EIF4G3: variants seen among roughly 807,000 people sequenced by gnomAD.
EIF4G3 encodes eukaryotic translation initiation factor 4 gamma 3, also known as eIF-4-gamma 3.
Under a neutral mutation model 186.4 loss-of-function variants are expected in EIF4G3, and 34 were observed. The ratio of observed to expected loss-of-function variants is 0.18; its 90% CI spans 0.14 to 0.24. The LOEUF (loss-of-function observed/expected upper bound fraction) is 0.24. EIF4G3 is among the 10% of genes least tolerant of loss of function. The pLI, the probability that EIF4G3 is intolerant of heterozygous loss-of-function variation, is 1.00. For missense variants in EIF4G3, 1,536 were observed against 1,948.5 expected (o/e 0.79, Z 3.99); for synonymous variants, 673 against 679.5 (o/e 0.99, Z 0.15).
chr1:21,141,954 C>G (rs557735181), intron 2 of EIF4G3, among the ~76,000 whole-genome samples: 32 of 152,028 alleles, frequency 2.1e-4, no homozygotes, highest in African/African-American at 7.0e-4. Context: ...AAACAAAATG[C>G]TAATCAGTAC....
intron 34 of EIF4G3, among the ~76,000 whole-genome samples, chr1:20,815,256 G>A (rs1013793357): frequency 1.0e-5 from 1 of 96,420 alleles, no homozygotes; most frequent in African/African-American, 3.7e-5. Flanking sequence ...CGTCTGGGAG[G>A]TGAGGAGCCC....
At chr1:20,934,862 G>A (rs935079690) in intron 14 of EIF4G3, among the ~76,000 whole-genome samples, 1 of 152,032 alleles carries the variant, frequency 6.6e-6, no homozygotes, top group Non-Finnish European at 1.5e-5. Context: ...CTCCTACTGA[G>A]GCCTATGACT....
intron 2 of EIF4G3, among the ~76,000 whole-genome samples, chr1:21,147,291 GTAT>G (rs1447066388): frequency 1.3e-5 from 2 of 151,954 alleles, no homozygotes; most frequent in East Asian, 3.9e-4. Flanking sequence ...TATATAATTT[GTAT>G]TATTTATAAA....
Position 20,813,157 on chromosome 1 carries a change from C to A in EIF4G3, c.4597+1G>T. The A allele has an allele frequency of 6.2e-7, 1 of 1,602,976 alleles. No individual in the cohort carries two copies. The highest frequency in any genetic ancestry group is 8.5e-7 in the Non-Finnish European group (1 of 1,170,182). On this transcript the variant is annotated splice_donor_variant, in intron 35 of 36. Coordinates refer to ENST00000602326, the MANE Select transcript of EIF4G3 (RefSeq NM_001391906.1). LOFTEE classifies it high-confidence loss of function. ...GAGCTGCCTTCAGAAATGTTACTTA[C>A]CTATAATAGCTGCTTTACAAACAGC...
At chr1:20,887,790 T>C (rs971505156) in intron 18 of EIF4G3, among the ~76,000 whole-genome samples, 2 of 152,066 alleles carry the variant, frequency 1.3e-5, no homozygotes, top group African/African-American at 2.4e-5. Flanking sequence ...TATAAGAACA[T>C]AAATTGTAAC....
At position 21,165,894 on chromosome 1, in the gene EIF4G3, C is replaced by A. The variant is rs146619565; in HGVS notation, c.-272+10281G>T. Among the ~76,000 whole-genome samples the A allele has an allele frequency of 2.2e-3, 340 of 151,904 alleles. 1 individual carries two copies. Among genetic ancestry groups the A allele is most frequent in the African/African-American group, 7.8e-3 (323 of 41,444 alleles). On this transcript the variant is annotated intron_variant, in intron 2 of 36. Transcript: ENST00000602326. ...AGTAATGGTTTCACACAGCTGAAGT[C>A]TAACTTCCTCTTATTTATTCAAAAT... is the stretch of plus-strand genomic sequence containing the variant.
intron 7 of EIF4G3, 98 bp downstream of exon 7, chr1:20,997,503 G>C: frequency 8.7e-7 from 1 of 1,145,934 alleles, no homozygotes; most frequent in Non-Finnish European, 1.3e-6. Context: ...TGAGTAATTT[G>C]AGTAGTTCTA....
intron 13 of EIF4G3, among the ~76,000 whole-genome samples, chr1:20,948,584 C>T (rs946810612): frequency 7.2e-5 from 11 of 152,036 alleles, no homozygotes; most frequent in Non-Finnish European, 1.6e-4. Context: ...ATGTAAAAAT[C>T]AATGAAATCA....
At position 21,117,825 on chromosome 1, in the gene EIF4G3, G is replaced by C. The variant is rs1343270343; in HGVS notation, c.-271-28612C>G. 4.6e-5 allele frequency among the ~76,000 whole-genome samples: 7 copies of C among 150,840 alleles called. No individual in the cohort carries two copies. In the Admixed American group the frequency reaches 4.7e-4, roughly 10 times the overall value. Reference sequence around the variant, plus strand: ...TAGGGGATATCTCCTCAGCTGCCTGGCTACAATAAGGACGAAGATTGCATG... The same window carrying C: ...TAGGGGATATCTCCTCAGCTGCCTGCCTACAATAAGGACGAAGATTGCATG... On this transcript the variant is annotated intron_variant, in intron 2 of 36. Transcript: ENST00000602326.
intron 2 of EIF4G3, among the ~76,000 whole-genome samples, chr1:21,165,363 C>A (rs1431394525): frequency 6.6e-6 from 1 of 152,148 alleles, no homozygotes; most frequent in African/African-American, 2.4e-5. Context: ...AACATAACAT[C>A]TATATAAAAA....
chr1:21,063,934 G>A (rs1170045296), intron 3 of EIF4G3, among the ~76,000 whole-genome samples: 1 of 150,690 alleles, frequency 6.6e-6, no homozygotes, highest in Admixed American at 6.6e-5. Flanking sequence ...CCTTGGCCAG[G>A]CTGGTCTGCA....
intron 9 of EIF4G3, 122 bp downstream of exon 9, chr1:20,980,926 C>A: frequency 2.7e-6 from 2 of 728,204 alleles, no homozygotes; most frequent in Non-Finnish European, 4.1e-6. Context: ...TTGTAACCAA[C>A]AAAACAGTTC....
chr1:20,978,517 A>G (rs952239587), intron 10 of EIF4G3, among the ~76,000 whole-genome samples: 2 of 152,142 alleles, frequency 1.3e-5, no homozygotes, highest in African/African-American at 2.4e-5. Context: ...AGAAATTAAC[A>G]ATTCATAAGA....
intron 2 of EIF4G3, among the ~76,000 whole-genome samples, chr1:21,137,302 C>G (rs528591494): frequency 1.3e-5 from 2 of 152,054 alleles, no homozygotes; most frequent in South Asian, 4.2e-4. Flanking sequence ...CACCACCACA[C>G]TTGGCTAATT....
At chr1:20,983,506 T>C (rs972670117) in intron 7 of EIF4G3, among the ~76,000 whole-genome samples, 2 of 152,170 alleles carry the variant, frequency 1.3e-5, no homozygotes, top group African/African-American at 4.8e-5. Flanking sequence ...ACAGAATCTA[T>C]CATGCATCAA....
chr1:21,171,388 A>T (rs531541467), intron 2 of EIF4G3, among the ~76,000 whole-genome samples: 2 of 152,290 alleles, frequency 1.3e-5, no homozygotes, highest in African/African-American at 4.8e-5. Flanking sequence ...AAGCCAGCAA[A>T]TGACCATGGC....
intron 4 of EIF4G3, among the ~76,000 whole-genome samples, chr1:21,009,482 C>T (rs185899736): frequency 2.8e-4 from 43 of 151,566 alleles, no homozygotes; most frequent in African/African-American, 6.8e-4. Flanking sequence ...CATCCAGCCC[C>T]GTTCATTCTC....
chr1:21,049,971 A>G (rs2094119366), intron 4 of EIF4G3, among the ~76,000 whole-genome samples: 1 of 152,166 alleles, frequency 6.6e-6, no homozygotes, highest in Non-Finnish European at 1.5e-5. Context: ...ACTTATAATC[A>G]CCACCTTTAG....
At chr1:20,959,717 A>AGGACATGAAT in intron 12 of EIF4G3, among the ~76,000 whole-genome samples, 1 of 151,262 alleles carries the variant, frequency 6.6e-6, no homozygotes, top group East Asian at 1.9e-4. Context: ...AAGTGGGCAA[A>AGGACATGAAT]GGACATGAAT....
Sources: gnomAD v4.1 joint callset for allele counts (sites outside exome capture counted in the v4.1 genomes callset) on GRCh38, gnomAD v4.1.1 for gene constraint, MANE v1.5 for transcripts, NCBI Gene and HGNC (gene_info 2026-07-23, HGNC 2026-07-21) for gene names.